Variants in LRP1B observed in about 807,000 individuals in gnomAD.
LRP1B encodes the protein low-density lipoprotein receptor-related protein 1B.
In LRP1B, 217 loss-of-function variants were observed where a neutral mutation model predicts 556.6. The observed-to-expected ratio is 0.39, with a 90% CI of 0.35 to 0.44. The LOEUF (loss-of-function observed/expected upper bound fraction) is 0.44. Among genes scored for constraint, LRP1B ranks in the 20% least tolerant of loss-of-function variants. The pLI is 1.00. For missense variants in LRP1B, 5,053 were observed against 5,620.8 expected (o/e 0.90, Z 3.23); for synonymous variants, 2,047 against 1,865.8 (o/e 1.10, Z -2.50).
At position 140,514,745 on chromosome 2, in the gene LRP1B, G is replaced by A. The variant is rs2104932295; in HGVS notation, c.8177C>T (p.Ala2726Val). ...CDSSCSWNQF[A>V]CSAQKCISKH... is the part of the protein sequence containing the mutation. Reference sequence around the variant, plus strand: ...AGAAATACATTTTTGTGCGGAACAAGCAAATTGGTTCCAAGAGCAAGAAGA... The same window carrying A: ...AGAAATACATTTTTGTGCGGAACAAACAAATTGGTTCCAAGAGCAAGAAGA... Residue 2726 changes from alanine to valine, a missense_variant, in exon 51 of 91, where the codon GCT (alanine) becomes GTT (valine). Ala to Val is a moderately conservative substitution (Grantham distance 64). Coordinates refer to ENST00000389484, the MANE Select transcript of LRP1B (RefSeq NM_018557.3). 1 of 1,610,462 alleles carries A rather than the reference G, an allele frequency of 6.2e-7. No individual in the cohort carries two copies. Among genetic ancestry groups the A allele is most frequent in the Non-Finnish European group, 8.5e-7 (1 of 1,177,886 alleles).
chr2:141,282,744 T>A (rs1410661613), intron 3 of LRP1B, among the ~76,000 whole-genome samples: 1 of 152,122 alleles, frequency 6.6e-6, no homozygotes, highest in Non-Finnish European at 1.5e-5. Context: ...ATTTCATTAA[T>A]GTTGTTTATG....
intron 1 of LRP1B, among the ~76,000 whole-genome samples, chr2:141,926,568 C>G (rs528496799): frequency 3.9e-5 from 6 of 152,120 alleles, no homozygotes; most frequent in Non-Finnish European, 7.4e-5. Context: ...CACACACCCA[C>G]CTTTCTACAT....
At chr2:140,277,326 C>G (rs961654071) in intron 84 of LRP1B, among the ~76,000 whole-genome samples, 1 of 151,898 alleles carries the variant, frequency 6.6e-6, no homozygotes, top group African/African-American at 2.4e-5. Flanking sequence ...TAGCTCACAC[C>G]TGTAATTCCA....
At chr2:140,896,230 G>A (rs1255107459) in intron 23 of LRP1B, among the ~76,000 whole-genome samples, 2 of 151,872 alleles carry the variant, frequency 1.3e-5, no homozygotes, top group South Asian at 2.1e-4. Flanking sequence ...AAATGTAACT[G>A]AATATTGAGA....
intron 2 of LRP1B, among the ~76,000 whole-genome samples, chr2:141,618,813 G>A (rs926027279): frequency 1.3e-5 from 2 of 152,188 alleles, no homozygotes; most frequent in African/African-American, 4.8e-5. Flanking sequence ...TCATGTGATA[G>A]GATTAAAGTG....
chr2:141,228,034 C>A (rs1403660567), intron 6 of LRP1B, among the ~76,000 whole-genome samples: 1 of 152,100 alleles, frequency 6.6e-6, no homozygotes, highest in Admixed American at 6.6e-5. Flanking sequence ...TCAAGCGATT[C>A]TTCTGGCTCA....
At chr2:141,789,607 A>G (rs182056179) in intron 2 of LRP1B, among the ~76,000 whole-genome samples, 1,551 of 151,998 alleles carry the variant, frequency 0.01, 23 homozygotes, top group Non-Finnish European at 0.012. Context: ...CTTTTCATTA[A>G]AAAAATTCAT....
At chr2:141,956,761 G>A (rs1427438681) in intron 1 of LRP1B, among the ~76,000 whole-genome samples, 1 of 152,034 alleles carries the variant, frequency 6.6e-6, no homozygotes, top group Non-Finnish European at 1.5e-5. Flanking sequence ...TTTGCACATA[G>A]AAGGGATAAA....
chr2:140,330,601 A>G (rs1189184640), intron 79 of LRP1B, among the ~76,000 whole-genome samples: 1 of 152,144 alleles, frequency 6.6e-6, no homozygotes, highest in African/African-American at 2.4e-5. Context: ...TAAATGTAAA[A>G]CCCAAATCTA....
intron 2 of LRP1B, among the ~76,000 whole-genome samples, chr2:141,779,309 C>T (rs1695170081): frequency 6.6e-6 from 1 of 151,894 alleles, no homozygotes; most frequent in East Asian, 1.9e-4. Flanking sequence ...GGTGTTGTTG[C>T]TTCAGATTAA....
chr2:140,332,441 C>T (rs966648941), intron 79 of LRP1B, among the ~76,000 whole-genome samples: 1 of 152,038 alleles, frequency 6.6e-6, no homozygotes. Flanking sequence ...TCACTGGTCC[C>T]AGTGTTGGAG....
chr2:140,573,763 C>T (rs1681415899), intron 43 of LRP1B, among the ~76,000 whole-genome samples: 1 of 151,924 alleles, frequency 6.6e-6, no homozygotes, highest in Non-Finnish European at 1.5e-5. Context: ...CTCTTAATAT[C>T]TGGTTTCTGC....
chr2:141,768,619 CA>C (rs974236548), intron 2 of LRP1B, among the ~76,000 whole-genome samples: 2 of 152,086 alleles, frequency 1.3e-5, no homozygotes, highest in Admixed American at 6.6e-5. Flanking sequence ...TATGCTCAAA[CA>C]GTTGGCTTTG....
chr2:140,243,702 G>A (rs1248512683), intron 87 of LRP1B, among the ~76,000 whole-genome samples: 1 of 151,116 alleles, frequency 6.6e-6, no homozygotes, highest in Non-Finnish European at 1.5e-5. Flanking sequence ...CCTTGGTCCT[G>A]TATCTCTAAC....
intron 1 of LRP1B, among the ~76,000 whole-genome samples, chr2:141,987,572 T>C (rs1230611929): frequency 6.6e-6 from 1 of 151,414 alleles, no homozygotes; most frequent in Admixed American, 6.6e-5. Context: ...TTCTTTCTTT[T>C]TTCTTTTTCT....
intron 6 of LRP1B, among the ~76,000 whole-genome samples, chr2:141,197,005 GCA>G (rs1213985875): frequency 2.0e-5 from 3 of 152,114 alleles, no homozygotes; most frequent in Non-Finnish European, 4.4e-5. Context: ...GAGTTCCCCT[GCA>G]CAAACCTCTT....
chr2:141,239,110 A>G (rs1166515584), intron 5 of LRP1B, among the ~76,000 whole-genome samples: 1 of 152,128 alleles, frequency 6.6e-6, no homozygotes, highest in Admixed American at 6.6e-5. Context: ...AATCATGCCA[A>G]AAGTATTGGC....
At chr2:141,768,604 A>G (rs1694801708) in intron 2 of LRP1B, among the ~76,000 whole-genome samples, 1 of 152,154 alleles carries the variant, frequency 6.6e-6, no homozygotes, top group African/African-American at 2.4e-5. Flanking sequence ...ATGGCTAATC[A>G]TGAGTATGCT....
intron 20 of LRP1B, among the ~76,000 whole-genome samples, chr2:140,934,770 C>G (rs1400326943): frequency 6.6e-6 from 1 of 152,124 alleles, no homozygotes; most frequent in East Asian, 1.9e-4. Context: ...CTCTCTCCAT[C>G]GTTACAAGTC....
Sources: allele counts gnomAD v4.1 joint callset (sites outside exome capture counted in the v4.1 genomes callset), GRCh38; gene constraint gnomAD v4.1.1; transcripts MANE v1.5; gene names NCBI Gene and HGNC (gene_info 2026-07-23, HGNC 2026-07-21).